SIRT2: variants seen among roughly 807,000 people sequenced by gnomAD.
SIRT2 encodes the protein sirtuin 2, also known as NAD-dependent protein deacetylase sirtuin-2.
SIRT2 carries 40 observed loss-of-function variants against 57.4 expected under a neutral mutation model. The observed-to-expected ratio is 0.70, with a 90% CI of 0.54 to 0.91. SIRT2 has a LOEUF of 0.91. Ranked by LOEUF, SIRT2 falls within the 40% of genes least tolerant of loss-of-function variation. The pLI is 0.00. For synonymous variants in SIRT2, 161 were observed against 195.7 expected (o/e 0.82, Z 1.48); for missense variants, 439 against 510.4 (o/e 0.86, Z 1.35).
chr19:38,887,394 C>T (rs1205206974), intron 8 of SIRT2, among the ~76,000 whole-genome samples: 1 of 152,204 alleles, frequency 6.6e-6, no homozygotes. Context: ...AAGCTGTTAT[C>T]ATATCTGAGC....
intron 2 of SIRT2, 35 bp downstream of exon 2, chr19:38,898,342 GTC>G (rs1185607153): frequency 2.8e-6 from 4 of 1,410,858 alleles, no homozygotes; most frequent in South Asian, 3.4e-5. Flanking sequence ...GAACAAGTCC[GTC>G]TCTCTCCTCC....
chr19:38,888,064 T>C (rs1973399808), intron 8 of SIRT2, among the ~76,000 whole-genome samples: 1 of 152,178 alleles, frequency 6.6e-6, no homozygotes, highest in African/African-American at 2.4e-5. Flanking sequence ...ACCTGTTTTA[T>C]AATTCGGGGT....
At chr19:38,879,968 G>GGTGCCCAGCACC in intron 13 of SIRT2, 1 of 482,692 alleles carries the variant, frequency 2.1e-6, no homozygotes, top group Non-Finnish European at 3.7e-6. Flanking sequence ...CTGGATGACA[G>GGTGCCCAGCACC]GTGCCCAGCA....
rs1973112846 is a variant in SIRT2 at position 38,880,502 on chromosome 19, T to G, written c.876+183A>C. Reference sequence around the variant, plus strand: ...CTGGTTTGAGTTGGAATTCTATCACTTGCTCAAAAGGGCAGTGAATGTCCC... The same window carrying G: ...CTGGTTTGAGTTGGAATTCTATCACGTGCTCAAAAGGGCAGTGAATGTCCC... On this transcript the variant is annotated intron_variant, in intron 13 of 15. Transcript: ENST00000249396. This position sits in a 1 kb window ranked among gnomAD's most constrained non-coding sequence, Gnocchi z 4.1. The G allele has an allele frequency of 3.7e-6, 2 of 537,818 alleles. No homozygotes were observed. Among genetic ancestry groups the G allele is most frequent in the Admixed American group, 6.2e-5 (2 of 32,186 alleles). The allele number at this position is 537,818 out of a possible 1,614,324, so 33.3% of individuals were successfully genotyped here. A position where few individuals can be genotyped will look rare whatever the true frequency, so the allele number is the denominator to read the frequency against.
In SIRT2 at chr19:38,889,840, T is replaced by C. The variant is rs934465189; in HGVS notation, c.375+15A>G. ...CCCACCCCTCACAGACGCCCCTTCC[T>C]GGGGGAGCACAAACCTTGAAATAGC... is the stretch of plus-strand genomic sequence containing the variant. On this transcript the variant is annotated intron_variant, in intron 6 of 15. Transcript: ENST00000249396. 6.2e-7 allele frequency: 1 copy of C among 1,612,984 alleles called. No individual in the cohort carries two copies. Among genetic ancestry groups the C allele is most frequent in the African/African-American group, 1.3e-5 (1 of 75,016 alleles).
chr19:38,890,000 T>C, intron 5 of SIRT2, 39 bp from the exon 6 acceptor site: 1 of 1,610,204 alleles, frequency 6.2e-7, no homozygotes, highest in Non-Finnish European at 8.5e-7. Context: ...GTCTATACCA[T>C]ACTAACCCTC....
In SIRT2 at chr19:38,879,440, TCC is replaced by T; in HGVS notation, c.1006_1007del (p.Gly336MetfsTer70). 6.3e-7 allele frequency: 1 copy of T among 1,594,420 alleles called. No homozygotes were observed. Among genetic ancestry groups the T allele is most frequent in the Non-Finnish European group, 8.5e-7 (1 of 1,170,308 alleles). On this transcript the variant is annotated frameshift_variant, in exon 15 of 16. Transcript: ENST00000249396. LOFTEE classifies it high-confidence loss of function. ...QGCLALAELL[G>X]WKKELEDLVR... ...GGGTTGCTCAGCTCCTCACCTTCCA[TCC>T]AAGGAGCTCAGCAAGGGCCAGGCAG...
chr19:38,894,939 C>T (rs1973669782), intron 2 of SIRT2: 34 of 455,912 alleles, frequency 7.5e-5, no homozygotes, highest in South Asian at 4.3e-4. Flanking sequence ...CCTAGGTGCC[C>T]CCCAGCCTCT....
rs1047968209 is a variant in SIRT2, at chr19:38,893,239, G to A, written c.226+175C>T. Among the ~76,000 whole-genome samples, 8 of 152,278 alleles carry A rather than the reference G, an allele frequency of 5.3e-5. No individual in the cohort carries two copies. In the East Asian group the frequency reaches 7.7e-4, roughly 15 times the overall value. Reference sequence around the variant, plus strand: ...AAAGTGGAAGCACCTGGACCCAGCCGTGCTTCAAGCTGGATTAGAGCCAAC... The same window carrying A: ...AAAGTGGAAGCACCTGGACCCAGCCATGCTTCAAGCTGGATTAGAGCCAAC... On this transcript the variant is annotated intron_variant, in intron 4 of 15. Transcript: ENST00000249396.
Position 38,878,993 on chromosome 19 carries a change from G to C in SIRT2, c.*162C>G, listed in dbSNP as rs200982135. On this transcript the variant is annotated 3_prime_UTR_variant, in exon 16 of 16. Transcript: ENST00000249396. ...GGTGTTAGAGATTTGCTGGGGTTGG[G>C]GGCCAGGGTTGCTGGGACCCCAGTT... is the stretch of plus-strand genomic sequence containing the variant. 8.9e-5 allele frequency: 59 copies of C among 665,758 alleles called. No individual in the cohort carries two copies. Among genetic ancestry groups the C allele is most frequent in the Non-Finnish European group, 1.3e-4 (54 of 413,704 alleles). 41.2% of individuals were successfully genotyped at this position (665,758 alleles called of 1,614,324 possible). A position where few individuals can be genotyped will look rare whatever the true frequency, so the allele number is the denominator to read the frequency against.
chr19:38,899,432 T>C, intron 1 of SIRT2, 74 bp downstream of exon 1: 1 of 1,572,816 alleles, frequency 6.4e-7, no homozygotes, highest in Non-Finnish European at 8.7e-7. Context: ...GCGGCCACCC[T>C]TGGGCCCCGG....
intron 9 of SIRT2, among the ~76,000 whole-genome samples, chr19:38,882,765 C>A (rs373222056): frequency 6.6e-6 from 1 of 152,116 alleles, no homozygotes; most frequent in African/African-American, 2.4e-5. Context: ...TGTCAGTAGT[C>A]GGTAATTTTC....
chr19:38,890,229 T>G, intron 4 of SIRT2, 85 bp from the exon 5 acceptor site: 1 of 1,396,820 alleles, frequency 7.2e-7, no homozygotes, highest in South Asian at 1.2e-5. Context: ...CTGACATCGT[T>G]TACTCCATGC....
rs753856029 is a variant in SIRT2 at position 38,889,080 on chromosome 19, C to T, written c.501+7G>A. ...ATCCTCCTCCCAGGATGCTCGCATC[C>T]GCCTACCTGCGTGTAGCAGCGCAGG... On this transcript the variant is annotated splice_region_variant and intron_variant, in intron 8 of 15. Transcript: ENST00000249396. 14 of 1,611,102 alleles carry T rather than the reference C, an allele frequency of 8.7e-6. No homozygotes were observed. Among genetic ancestry groups the T allele is most frequent in the South Asian group, 5.5e-5 (5 of 91,074 alleles).
intron 2 of SIRT2, among the ~76,000 whole-genome samples, chr19:38,895,705 G>A (rs1016480705): frequency 1.1e-4 from 16 of 152,234 alleles, no homozygotes; most frequent in Admixed American, 7.2e-4. Context: ...GGGAGGCTGA[G>A]GCAGGAAGGT....
intron 9 of SIRT2, among the ~76,000 whole-genome samples, chr19:38,883,228 A>C (rs1973213886): frequency 6.6e-6 from 1 of 151,378 alleles, no homozygotes; most frequent in Admixed American, 6.6e-5. Context: ...TTACAGGCGC[A>C]TGCCACCACA....
intron 2 of SIRT2, among the ~76,000 whole-genome samples, chr19:38,896,458 A>G (rs1973719724): frequency 6.6e-6 from 1 of 152,108 alleles, no homozygotes; most frequent in Non-Finnish European, 1.5e-5. Flanking sequence ...GGCTCAAGTG[A>G]TCCCCCTGCC....
chr19:38,893,647 C>T (rs1973619085), intron 3 of SIRT2, 120 bp from the exon 4 acceptor site: 8 of 1,174,660 alleles, frequency 6.8e-6, no homozygotes, highest in Non-Finnish European at 9.9e-6. Context: ...GGCACAAGGC[C>T]CGGCCCAGCC....
Position 38,879,669 on chromosome 19 carries a change from C to T in SIRT2, c.910G>A (p.Gly304Arg), listed in dbSNP as rs201892883. Residue 304 changes from glycine (G) to arginine (R), a missense_variant, in exon 14 of 16, where the codon GGA becomes AGA. Coordinates refer to ENST00000249396, the MANE Select transcript of SIRT2 (RefSeq NM_012237.4). Reference protein sequence around the residue: ...DPFLGMIMGLGGGMDFDSKKA... With the variant: ...DPFLGMIMGLRGGMDFDSKKA... ...TTGGAGTCAAAGTCCATGCCTCCTC[C>T]GAGGCCCATAATCATCCCCAGGAAA... 5.9e-5 allele frequency: 93 copies of T among 1,573,836 alleles called. No homozygotes were observed. The highest frequency in any genetic ancestry group is 2.0e-4 in the Admixed American group (11 of 54,102).
Sources: allele counts gnomAD v4.1 joint callset (sites outside exome capture counted in the v4.1 genomes callset), GRCh38; gene constraint gnomAD v4.1.1; non-coding constraint Gnocchi (gnomAD v3.1); transcripts MANE v1.5; gene names NCBI Gene and HGNC (gene_info 2026-07-23, HGNC 2026-07-21).